The following MGAT5 variants were observed in gnomAD, a reference collection of about 807,000 sequenced individuals.
The protein encoded by MGAT5 is alpha-1,6-mannosylglycoprotein 6-beta-N-acetylglucosaminyltransferase, also known as alpha-1,6-mannosylglycoprotein 6-beta-N-acetylglucosaminyltransferase A.
MGAT5 carries 30 observed loss-of-function variants against 94.3 expected under a neutral mutation model. That is an observed-to-expected ratio of 0.32 (90% CI 0.24 to 0.43). MGAT5 has a LOEUF of 0.43. Among genes scored for constraint, MGAT5 ranks in the 20% least tolerant of loss-of-function variants. The pLI is 1.00. For missense variants in MGAT5, 691 were observed against 905.5 expected (o/e 0.76, Z 3.04); for synonymous variants, 310 against 322.9 (o/e 0.96, Z 0.43).
intron 2 of MGAT5, among the ~76,000 whole-genome samples, chr2:134,278,429 C>T (rs1207985145): frequency 6.6e-6 from 1 of 152,152 alleles, no homozygotes; most frequent in African/African-American, 2.4e-5. Flanking sequence ...TTGGCTTGGC[C>T]TCTATGCCTA....
chr2:134,345,645 C>T (rs1688877885), intron 8 of MGAT5, among the ~76,000 whole-genome samples: 1 of 152,094 alleles, frequency 6.6e-6, no homozygotes, highest in Non-Finnish European at 1.5e-5. Flanking sequence ...AATGCTTTTA[C>T]CTGGTATACA....
intron 1 of MGAT5, among the ~76,000 whole-genome samples, chr2:134,240,221 G>T (rs1681898401): frequency 6.6e-6 from 1 of 152,132 alleles, no homozygotes; most frequent in Admixed American, 6.5e-5. Flanking sequence ...AAGATCTCTT[G>T]TAAGACATGT....
At chr2:134,323,042 G>A (rs1687425058) in intron 4 of MGAT5, among the ~76,000 whole-genome samples, 1 of 152,126 alleles carries the variant, frequency 6.6e-6, no homozygotes, top group Admixed American at 6.5e-5. Flanking sequence ...CTTAAGAGAT[G>A]GTACTCTTCC....
At chr2:134,286,474 T>G (rs1685008057) in intron 2 of MGAT5, among the ~76,000 whole-genome samples, 1 of 152,060 alleles carries the variant, frequency 6.6e-6, no homozygotes, top group African/African-American at 2.4e-5. Context: ...CTCTATTGCC[T>G]AGGCTGGAGT....
At chr2:134,314,823 A>T (rs1185007107) in intron 2 of MGAT5, among the ~76,000 whole-genome samples, 1 of 152,098 alleles carries the variant, frequency 6.6e-6, no homozygotes, top group African/African-American at 2.4e-5. Context: ...CTTTGGCAGA[A>T]ACGAGGGGCC....
upstream of MGAT5, among the ~76,000 whole-genome samples, chr2:134,251,660 AATG>A (rs1573616382): frequency 6.6e-6 from 1 of 152,246 alleles, no homozygotes; most frequent in East Asian, 1.9e-4. Context: ...TATACATAAT[AATG>A]GAGTACCATG....
At chr2:134,379,931 C>A (rs945465036) in intron 10 of MGAT5, among the ~76,000 whole-genome samples, 4 of 152,214 alleles carry the variant, frequency 2.6e-5, no homozygotes, top group Non-Finnish European at 5.9e-5. Context: ...GTCACTTGGC[C>A]TGTGGCCTTG....
intron 1 of MGAT5, among the ~76,000 whole-genome samples, chr2:134,267,720 A>G (rs1683803843): frequency 6.6e-6 from 1 of 152,246 alleles, no homozygotes; most frequent in Non-Finnish European, 1.5e-5. Flanking sequence ...GACTGTGTCC[A>G]GTAGTCTGAT....
intron 4 of MGAT5, among the ~76,000 whole-genome samples, chr2:134,335,704 C>G (rs1339513593): frequency 6.6e-6 from 1 of 151,862 alleles, no homozygotes. Flanking sequence ...ATGAGGGAAA[C>G]CTTGACCAAT....
At chr2:134,333,223 G>T (rs1573834731) in intron 4 of MGAT5, among the ~76,000 whole-genome samples, 2 of 151,928 alleles carry the variant, frequency 1.3e-5, no homozygotes, top group East Asian at 3.9e-4. Flanking sequence ...AGAAAATGTG[G>T]CACATATACA....
At chr2:134,280,289 A>G (rs1229871021) in intron 2 of MGAT5, among the ~76,000 whole-genome samples, 1 of 152,132 alleles carries the variant, frequency 6.6e-6, no homozygotes, top group Non-Finnish European at 1.5e-5. Context: ...AGCAGAAATA[A>G]TCTTCATCTC....
chr2:134,338,380 T>C lies in MGAT5; in HGVS notation c.767T>C (p.Leu256Pro). The C allele has an allele frequency of 6.2e-7, 1 of 1,611,942 alleles. No individual in the cohort carries two copies. The highest frequency in any genetic ancestry group is 8.5e-7 in the Non-Finnish European group (1 of 1,179,076). ...ADAWIQAIKS[L>P]AEKQNLEKRK... Reference sequence around the variant, plus strand: ...GCATGGATCCAAGCAATCAAGTCCCTGGCAGAAAAGCAGAACCTTGAAAAG... The same window carrying C: ...GCATGGATCCAAGCAATCAAGTCCCCGGCAGAAAAGCAGAACCTTGAAAAG... Residue 256 changes from leucine to proline, a missense_variant, in exon 6 of 16, where the codon CTG (leucine) becomes CCG (proline). Transcript: ENST00000281923.
At chr2:134,130,160 C>A (rs1010766265) in intron 1 of MGAT5, among the ~76,000 whole-genome samples, 1 of 151,196 alleles carries the variant, frequency 6.6e-6, no homozygotes, top group Non-Finnish European at 1.5e-5. Flanking sequence ...CATCTTCCCG[C>A]GGGGCAGGGC....
intron 1 of MGAT5, among the ~76,000 whole-genome samples, chr2:134,170,025 T>A (rs2105109322): frequency 6.6e-6 from 1 of 152,338 alleles, no homozygotes; most frequent in East Asian, 1.9e-4. Context: ...CCATGGACAG[T>A]ACTCATAAGG....
chr2:134,391,192 GAGAGT>G (rs1682381103), intron 10 of MGAT5, among the ~76,000 whole-genome samples: 1 of 152,134 alleles, frequency 6.6e-6, no homozygotes, highest in Admixed American at 6.5e-5. Flanking sequence ...TGAGTGCTGA[GAGAGT>G]TGAGGAGGTA....
intron 10 of MGAT5, among the ~76,000 whole-genome samples, chr2:134,387,013 T>C (rs183613170): frequency 6.6e-6 from 1 of 151,822 alleles, no homozygotes; most frequent in Non-Finnish European, 1.5e-5. Context: ...TGTAATCCCA[T>C]CACTTTGGGA....
chr2:134,155,834 T>C (rs1687447769), intron 1 of MGAT5, among the ~76,000 whole-genome samples: 1 of 152,076 alleles, frequency 6.6e-6, no homozygotes, highest in Non-Finnish European at 1.5e-5. Flanking sequence ...GCTTCCTTCC[T>C]TCCCTCTTTT....
At chr2:134,225,728 T>A (rs1339622373) in intron 1 of MGAT5, among the ~76,000 whole-genome samples, 3 of 152,218 alleles carry the variant, frequency 2.0e-5, no homozygotes, top group African/African-American at 7.2e-5. Context: ...ACACTGCTTC[T>A]ACATTTGATA....
rs534371402 is a variant in MGAT5 at position 134,254,963 on chromosome 2, A to G, written c.241+319A>G. ...TGTGATCTCATGTGGGAGTGAGTTC[A>G]GGGAATGCTGAAAAATATTCTCATC... On this transcript the variant is annotated intron_variant, in intron 1 of 15. Transcript: ENST00000281923. Among the ~76,000 whole-genome samples, 26 of 152,336 alleles carry G rather than the reference A, an allele frequency of 1.7e-4. No homozygotes were observed. The East Asian group carries it at 3.9e-3, about 23-fold the overall frequency.
Sources: allele counts gnomAD v4.1 joint callset (sites outside exome capture counted in the v4.1 genomes callset), GRCh38; gene constraint gnomAD v4.1.1; transcripts MANE v1.5; gene names NCBI Gene and HGNC (gene_info 2026-07-23, HGNC 2026-07-21).